The following CLRN1 variants were observed in gnomAD, a reference collection of about 807,000 sequenced individuals.
The protein encoded by CLRN1 is clarin-1.
CLRN1 carries 15 observed loss-of-function variants against 18.7 expected under a neutral mutation model. That is an observed-to-expected ratio of 0.80 (90% CI 0.54 to 1.23). The LOEUF is 1.23. Among genes scored for constraint, CLRN1 ranks in the 50% most tolerant of loss-of-function variants. CLRN1 has a pLI of 0.00. For missense variants in CLRN1, 311 were observed against 277.5 expected (o/e 1.12, Z -0.86); for synonymous variants, 104 against 102.9 (o/e 1.01, Z -0.07).
In CLRN1 at chr3:150,940,476, A is replaced by T. The variant is rs140407590; in HGVS notation, c.433+1106T>A. On this transcript the variant is annotated intron_variant, in intron 2 of 2. Coordinates refer to ENST00000327047, the MANE Select transcript of CLRN1 (RefSeq NM_174878.3). The stretch of plus-strand genomic sequence containing the variant: ...AAGGGAGTAGTGTCAAGAGCAAGAA[A>T]GTACCTTGAGCCTGGTGCCTGGTAG... The T allele has an allele frequency of 5.9e-6, 9 of 1,534,782 alleles. No homozygotes were observed. In the African/African-American group the frequency reaches 1.2e-4, roughly 21 times the overall value.
At chr3:150,961,173 C>A (rs560459410) in intron 1 of CLRN1, among the ~76,000 whole-genome samples, 74 of 152,266 alleles carry the variant, frequency 4.9e-4, no homozygotes, top group African/African-American at 1.6e-3. Context: ...CTGCTCCTTC[C>A]CCCTCCCCTC....
chr3:150,947,519 T>C (rs1007021111), intron 1 of CLRN1, among the ~76,000 whole-genome samples: 1 of 152,170 alleles, frequency 6.6e-6, no homozygotes, highest in African/African-American at 2.4e-5. Flanking sequence ...AGCAAAGATA[T>C]TCAGGATCTG....
In CLRN1 at chr3:150,972,603, C is replaced by T; in HGVS notation, c.106G>A (p.Ala36Thr). The T allele has an allele frequency of 6.2e-7, 1 of 1,614,222 alleles. No homozygotes were observed. Among genetic ancestry groups the T allele is most frequent in the Non-Finnish European group, 8.5e-7 (1 of 1,180,044 alleles). The change falls in exon 1 of 3, where the codon GCC becomes ACC. Residue 36 changes from alanine to threonine, a missense_variant. Coordinates refer to ENST00000327047, the MANE Select transcript of CLRN1 (RefSeq NM_174878.3). ...TALGTPLWIK[A>T]TVLCKTGALL... ...GCTCCCGTTTTGCAGAGGACAGTGG[C>T]TTTGATCCACAACGGTGTCCCCAAG...
At chr3:150,939,577 TC>T (rs1418290897) in intron 2 of CLRN1, among the ~76,000 whole-genome samples, 1 of 152,002 alleles carries the variant, frequency 6.6e-6, no homozygotes, top group Non-Finnish European at 1.5e-5. Flanking sequence ...ATGGCCATCT[TC>T]CCCCAGACCC....
chr3:150,926,478 C>CAA (rs11366223), downstream of CLRN1: 2,151 of 330,042 alleles, frequency 6.5e-3, 29 homozygotes, highest in African/African-American at 0.039. Context: ...AGCCTGTTAC[C>CAA]AAAAAAAAAA....
At chr3:150,943,516 CT>C (rs1308910196) in intron 1 of CLRN1, among the ~76,000 whole-genome samples, 2 of 152,172 alleles carry the variant, frequency 1.3e-5, no homozygotes, top group African/African-American at 4.8e-5. Context: ...TTCCCATTCC[CT>C]TTTCAGCTTC....
intron 2 of CLRN1, among the ~76,000 whole-genome samples, 195 bp from the exon 3 acceptor site, chr3:150,928,396 T>C (rs1253704932): frequency 6.6e-6 from 1 of 152,222 alleles, no homozygotes; most frequent in Non-Finnish European, 1.5e-5. Context: ...GTTATGGTTC[T>C]GCTCTGAGTG....
rs184140348 is a variant in CLRN1 at position 150,962,226 on chromosome 3, G to A, written c.253+10230C>T. ...CAGTTACAGCATGCTGAGAGGGAGC[G>A]AAATATGAACCCTGCATAAATTAGA... On this transcript the variant is annotated intron_variant, in intron 1 of 2. Coordinates refer to ENST00000327047, the MANE Select transcript of CLRN1 (RefSeq NM_174878.3). 1.3e-3 allele frequency among the ~76,000 whole-genome samples: 200 copies of A among 152,260 alleles called. 1 individual carries two copies. The highest frequency in any genetic ancestry group is 4.4e-3 in the African/African-American group (184 of 41,534).
intron 2 of CLRN1, among the ~76,000 whole-genome samples, chr3:150,930,765 G>A (rs1713094688): frequency 1.3e-5 from 2 of 152,170 alleles, no homozygotes; most frequent in South Asian, 4.1e-4. Flanking sequence ...CTGAGCACCT[G>A]AAAGGAAAAT....
In CLRN1 at chr3:150,928,068, G is replaced by A; in HGVS notation, c.567C>T (p.Phe189=). The change falls in exon 3 of 3, where the codon TTC becomes TTT. Residue 189 remains phenylalanine, a synonymous_variant. Coordinates refer to ENST00000327047, the MANE Select transcript of CLRN1 (RefSeq NM_174878.3). Reference sequence around the variant, plus strand: ...CAAAAAAGCAAAAGAAAATGACCCAGAATGAGGTGGTATATTTTTCACTTT... The same window carrying A: ...CAAAAAAGCAAAAGAAAATGACCCAAAATGAGGTGGTATATTTTTCACTTT... ...KTQSEKYTTS[F]WVIFFCFFVH... The A allele has an allele frequency of 6.2e-7, 1 of 1,614,034 alleles. No homozygotes were observed. Among genetic ancestry groups the A allele is most frequent in the Non-Finnish European group, 8.5e-7 (1 of 1,180,004 alleles).
At chr3:150,962,634 G>A (rs181644378) in intron 1 of CLRN1, among the ~76,000 whole-genome samples, 1 of 152,086 alleles carries the variant, frequency 6.6e-6, no homozygotes, top group Non-Finnish European at 1.5e-5. Context: ...TTTGTTAATT[G>A]CTGTGGTGAA....
intron 1 of CLRN1, among the ~76,000 whole-genome samples, chr3:150,946,754 TTTA>T (rs1406893243): frequency 6.6e-6 from 1 of 151,290 alleles, no homozygotes; most frequent in African/African-American, 2.4e-5. Context: ...ATTTTTATTT[TTTA>T]TTATTATACT....
chr3:150,936,142 A>G (rs1297437905), intron 2 of CLRN1, among the ~76,000 whole-genome samples: 5 of 152,010 alleles, frequency 3.3e-5, no homozygotes, highest in Non-Finnish European at 7.4e-5. Flanking sequence ...CTTTAGTTTA[A>G]TTAGATCCCA....
chr3:150,934,513 T>C (rs1316195085), intron 2 of CLRN1, among the ~76,000 whole-genome samples: 3 of 152,170 alleles, frequency 2.0e-5, no homozygotes, highest in Admixed American at 2.0e-4. Flanking sequence ...TTGGTGGTTT[T>C]TATCACCTCC....
At chr3:150,941,921 G>T (rs904951442) in intron 1 of CLRN1, among the ~76,000 whole-genome samples, 160 bp from the exon 2 acceptor site, 1 of 152,082 alleles carries the variant, frequency 6.6e-6, no homozygotes, top group South Asian at 2.1e-4. Flanking sequence ...TTTACAAAAA[G>T]GTTTAAAGAT....
intron 1 of CLRN1, among the ~76,000 whole-genome samples, chr3:150,969,499 G>A (rs1715432501): frequency 6.6e-6 from 1 of 150,700 alleles, no homozygotes; most frequent in Non-Finnish European, 1.5e-5. Flanking sequence ...CTAATTTTTT[G>A]TATTTTTAGT....
At chr3:150,957,797 C>T (rs1157292950) in intron 1 of CLRN1, among the ~76,000 whole-genome samples, 13 of 152,156 alleles carry the variant, frequency 8.5e-5, no homozygotes, top group Admixed American at 8.5e-4. Flanking sequence ...GCTGGGATTA[C>T]AAGTGTGTGC....
rs538977997 is a variant in CLRN1, at chr3:150,947,123, G to A, written c.254-5362C>T. On this transcript the variant is annotated intron_variant, in intron 1 of 2. Coordinates refer to ENST00000327047, the MANE Select transcript of CLRN1 (RefSeq NM_174878.3). Reference sequence around the variant, plus strand: ...AGTCCTTATTGGTTAAAAATGATACGGATGAATGGATGGCTGGATGGCTGG... The same window carrying A: ...AGTCCTTATTGGTTAAAAATGATACAGATGAATGGATGGCTGGATGGCTGG... Among the ~76,000 whole-genome samples the A allele has an allele frequency of 2.0e-4, 30 of 151,932 alleles. 1 individual carries two copies. Among genetic ancestry groups the A allele is most frequent in the Admixed American group, 1.3e-3 (20 of 15,258 alleles).
chr3:150,965,163 A>G (rs1238659110), intron 1 of CLRN1, among the ~76,000 whole-genome samples: 1 of 152,210 alleles, frequency 6.6e-6, no homozygotes, highest in Non-Finnish European at 1.5e-5. Context: ...GAGGAAGAGC[A>G]TGATTTACCA....
Sources: gnomAD v4.1 joint callset for allele counts (sites outside exome capture counted in the v4.1 genomes callset) on GRCh38, gnomAD v4.1.1 for gene constraint, MANE v1.5 for transcripts, NCBI Gene and HGNC (gene_info 2026-07-23, HGNC 2026-07-21) for gene names.